Variants in VPS53 observed in about 807,000 individuals in gnomAD.
VPS53 encodes VPS53 subunit of GARP complex.
In VPS53, 70 loss-of-function variants were observed where a neutral mutation model predicts 107.0. That is an observed-to-expected ratio of 0.65 (90% CI 0.54 to 0.80). The LOEUF (loss-of-function observed/expected upper bound fraction) is 0.80. Ranked by LOEUF, VPS53 falls within the 30% of genes least tolerant of loss-of-function variation. VPS53 has a pLI of 0.00. For missense variants in VPS53, 917 were observed against 1,049.4 expected, an observed-to-expected ratio of 0.87 and a Z score of 1.74; for synonymous variants, 409 against 393.3, an observed-to-expected ratio of 1.04 and a Z score of -0.47.
chr17:621,422 A>AT (rs1164597675), intron 11 of VPS53, among the ~76,000 whole-genome samples: 6 of 151,494 alleles, frequency 4.0e-5, no homozygotes, highest in South Asian at 2.1e-4. Flanking sequence ...ACATGTATGG[A>AT]TTTTTTTTTA....
intron 17 of VPS53, 193 bp from the exon 18 acceptor site, chr17:537,369 C>T (rs7223410): frequency 6.2e-4 from 382 of 620,586 alleles, no homozygotes; most frequent in African/African-American, 5.4e-3. Context: ...GTGTGCCCAG[C>T]GGACCCGACA....
chr17:549,547 T>G (rs1010511895), intron 17 of VPS53, among the ~76,000 whole-genome samples: 1 of 151,546 alleles, frequency 6.6e-6, no homozygotes, highest in Non-Finnish European at 1.5e-5. Context: ...TAAGCAACAC[T>G]TGCAGTGTTA....
At chr17:555,176 C>G (rs1268728594) in intron 15 of VPS53, among the ~76,000 whole-genome samples, 1 of 152,256 alleles carries the variant, frequency 6.6e-6, no homozygotes, top group Non-Finnish European at 1.5e-5. Flanking sequence ...GCCCAGCTTT[C>G]TGGCCCCGTC....
chr17:554,290 T>C (rs1192072896), intron 15 of VPS53, among the ~76,000 whole-genome samples: 1 of 152,228 alleles, frequency 6.6e-6, no homozygotes, highest in African/African-American at 2.4e-5. Context: ...AACACGCTCC[T>C]GGCGCTCAAA....
chr17:678,506 G>A (rs947319814), intron 4 of VPS53, among the ~76,000 whole-genome samples: 10 of 151,666 alleles, frequency 6.6e-5, no homozygotes, highest in African/African-American at 1.5e-4. Context: ...TCGCTCTGTC[G>A]CCTAGGCTGG....
At chr17:619,446 C>T (rs1471944671) in intron 11 of VPS53, among the ~76,000 whole-genome samples, 1 of 140,288 alleles carries the variant, frequency 7.1e-6, no homozygotes, top group East Asian at 2.3e-4. Flanking sequence ...TAATATTTTC[C>T]GGGTAGCTGG....
intron 18 of VPS53, among the ~76,000 whole-genome samples, chr17:535,163 C>G (rs115458544): frequency 0.012 from 1,796 of 152,244 alleles, 43 homozygotes; most frequent in African/African-American, 0.04. Flanking sequence ...GATGAGAAGG[C>G]ACCATGGATG....
chr17:663,855 A>G (rs1971572546), intron 4 of VPS53, among the ~76,000 whole-genome samples: 1 of 152,214 alleles, frequency 6.6e-6, no homozygotes, highest in South Asian at 2.1e-4. Flanking sequence ...TCTGTCCTCA[A>G]GGAATGAACT....
intron 15 of VPS53, among the ~76,000 whole-genome samples, chr17:555,058 A>T (rs1912211515): frequency 6.6e-6 from 1 of 152,228 alleles, no homozygotes; most frequent in South Asian, 2.1e-4. Flanking sequence ...TGTATTTACA[A>T]AGGATAAAAC....
At chr17:707,986 G>A in intron 2 of VPS53, among the ~76,000 whole-genome samples, 1 of 152,180 alleles carries the variant, frequency 6.6e-6, no homozygotes, top group Admixed American at 6.5e-5. Flanking sequence ...TCTCCTGTGA[G>A]TCTCTGCTCA....
At chr17:537,581 G>C (rs1248546180) in intron 17 of VPS53, 1 of 159,912 alleles carries the variant, frequency 6.3e-6, no homozygotes, top group East Asian at 1.8e-4. Context: ...GAGGTGGCTG[G>C]ACTAAGTGAC....
At chr17:682,445 C>T (rs750804824) in intron 4 of VPS53, among the ~76,000 whole-genome samples, 8 of 152,122 alleles carry the variant, frequency 5.3e-5, no homozygotes, top group Non-Finnish European at 1.2e-4. Flanking sequence ...GGTGCTCCCC[C>T]AGGAAAGACA....
intron 6 of VPS53, 97 bp downstream of exon 6, chr17:655,741 G>T: frequency 8.6e-7 from 1 of 1,167,988 alleles, no homozygotes; most frequent in Non-Finnish European, 1.2e-6. Context: ...GCAGGATGGT[G>T]AGACTTTCCT....
At chr17:608,135 A>G (rs1281492011) in intron 11 of VPS53, among the ~76,000 whole-genome samples, 2 of 152,240 alleles carry the variant, frequency 1.3e-5, no homozygotes, top group Non-Finnish European at 2.9e-5. Flanking sequence ...TTTAGCTGAC[A>G]GTCAGGACTG....
chr17:582,356 T>TC (rs1967071624), intron 13 of VPS53, among the ~76,000 whole-genome samples: 1 of 145,754 alleles, frequency 6.9e-6, no homozygotes. Flanking sequence ...ACCCAATGTG[T>TC]CCCCAGAGAA....
At chr17:672,175 A>ATCTCTCTCTCTCTCTC (rs10539620) in intron 4 of VPS53, among the ~76,000 whole-genome samples, 1,991 of 107,014 alleles carry the variant, frequency 0.019, 108 homozygotes, top group South Asian at 0.027. Flanking sequence ...CACAATCTCA[A>ATCTCTCTCTCTCTCTC]TCTCTCTCTC....
chr17:704,202 G>A (rs917247871), intron 2 of VPS53, among the ~76,000 whole-genome samples: 1 of 151,900 alleles, frequency 6.6e-6, no homozygotes, highest in Non-Finnish European at 1.5e-5. Context: ...AGACCACTGC[G>A]ACCAAACCTG....
chr17:535,372 G>T (rs368004981), intron 18 of VPS53, among the ~76,000 whole-genome samples: 6 of 151,992 alleles, frequency 3.9e-5, no homozygotes, highest in East Asian at 1.9e-4. Flanking sequence ...TCAATCATAT[G>T]ACTGAGCTGG....
At chr17:667,016 A>G (rs561974892) in intron 4 of VPS53, among the ~76,000 whole-genome samples, 1 of 152,218 alleles carries the variant, frequency 6.6e-6, no homozygotes, top group East Asian at 1.9e-4. Flanking sequence ...GGGAATGGAC[A>G]GCGATGACAT....
Sources: allele counts gnomAD v4.1 joint callset (sites outside exome capture counted in the v4.1 genomes callset), GRCh38; gene constraint gnomAD v4.1.1; transcripts MANE v1.5; gene names NCBI Gene and HGNC (gene_info 2026-07-23, HGNC 2026-07-21).